TXLNB: variants seen among roughly 807,000 people sequenced by gnomAD.
The protein encoded by TXLNB is beta-taxilin.
TXLNB carries 37 observed loss-of-function variants against 57.4 expected under a neutral mutation model. The observed-to-expected ratio is 0.64, with a 90% CI of 0.50 to 0.85. The LOEUF (loss-of-function observed/expected upper bound fraction) is 0.85, where lower values mean the gene tolerates loss of function less well. TXLNB is among the 40% of genes least tolerant of loss of function. The probability of loss-of-function intolerance (pLI) is 0.00; values close to 1 mark genes in which losing one functional copy is unlikely to be tolerated. For synonymous variants in TXLNB, 302 were observed against 309.6 expected (o/e 0.98, Z 0.26); for missense variants, 848 against 825.6 (o/e 1.03, Z -0.33).
chr6:139,181,356 T>G, the TXLNB span, among the ~76,000 whole-genome samples: 13 of 152,220 alleles, frequency 8.5e-5, no homozygotes, highest in Non-Finnish European at 1.3e-4. Context: ...ATTCACATAG[T>G]TTAAATTGTG....
chr6:139,303,586 T>G, the TXLNB span, among the ~76,000 whole-genome samples: 1 of 152,222 alleles, frequency 6.6e-6, no homozygotes, highest in South Asian at 2.1e-4. Context: ...GATGTTGGTG[T>G]TAGCATCTTG....
At chr6:139,287,550 C>A (rs1777204247) in intron 2 of TXLNB, among the ~76,000 whole-genome samples, 1 of 152,160 alleles carries the variant, frequency 6.6e-6, no homozygotes, top group South Asian at 2.1e-4. Flanking sequence ...GATTCTCCAT[C>A]TAGCATGAGA....
intron 7 of TXLNB, among the ~76,000 whole-genome samples, chr6:139,253,667 G>A (rs1206898490): frequency 6.6e-6 from 1 of 152,040 alleles, no homozygotes; most frequent in African/African-American, 2.4e-5. Context: ...GTTTGAGGGG[G>A]TATAAGGGGG....
At chr6:139,192,022 A>T in the TXLNB span, among the ~76,000 whole-genome samples, 1,128 of 152,312 alleles carry the variant, frequency 7.4e-3, 5 homozygotes, top group Middle Eastern at 0.017. Context: ...TTTTGAGTTG[A>T]TAATCCCTTA....
chr6:139,255,782 G>C, intron 6 of TXLNB, 144 bp from the exon 7 acceptor site: 3 of 617,232 alleles, frequency 4.9e-6, no homozygotes, highest in South Asian at 2.0e-5. Context: ...ATCTAAGAAA[G>C]CTTAAAAAAC....
chr6:139,244,335 C>T (rs1335636908), intron 9 of TXLNB, among the ~76,000 whole-genome samples: 1 of 152,176 alleles, frequency 6.6e-6, no homozygotes, highest in Non-Finnish European at 1.5e-5. Flanking sequence ...AAGGGGACAG[C>T]TGCCCTGGGT....
intron 6 of TXLNB, among the ~76,000 whole-genome samples, chr6:139,258,259 G>A (rs1447105598): frequency 6.6e-6 from 1 of 152,154 alleles, no homozygotes; most frequent in East Asian, 1.9e-4. Flanking sequence ...TTCTTGCTAA[G>A]GCTGGGTCGT....
the TXLNB span, among the ~76,000 whole-genome samples, chr6:139,316,552 T>C: frequency 2.0e-5 from 3 of 152,232 alleles, no homozygotes; most frequent in Non-Finnish European, 4.4e-5. Context: ...CAATCTTTCA[T>C]ACTACAAGAC....
At chr6:139,229,753 G>T in the TXLNB span, among the ~76,000 whole-genome samples, 37 of 152,196 alleles carry the variant, frequency 2.4e-4, no homozygotes, top group African/African-American at 8.4e-4. Flanking sequence ...ATCTCTGGCA[G>T]GGAGGAAAAC....
chr6:139,270,462 AGTCTTGTTGT>A lies in TXLNB; in HGVS notation c.671_680del (p.His224LeufsTer2), dbSNP rs1435059234. On this transcript the variant is annotated frameshift_variant, in exon 4 of 10. Transcript: ENST00000358430. LOFTEE classifies it high-confidence loss of function. ...CTGAGGCATGGGGACATACCTTCAGAGTCTTGTTGTGTCTCTGCAGCTCCCGGCACAGACT... is the reference window on the plus strand; with the variant it reads ...CTGAGGCATGGGGACATACCTTCAGAGTCTCTGCAGCTCCCGGCACAGACT... 6.2e-7 allele frequency: 1 copy of A among 1,613,200 alleles called. No homozygotes were observed.
the TXLNB span, chr6:139,166,736 C>T: frequency 1.5e-5 from 24 of 1,613,040 alleles, no homozygotes; most frequent in Non-Finnish European, 1.9e-5. Context: ...CCTCCCCCGC[C>T]GGCATTCCAT....
intron 2 of TXLNB, among the ~76,000 whole-genome samples, chr6:139,280,481 T>C (rs1185284302): frequency 6.6e-6 from 1 of 151,652 alleles, no homozygotes; most frequent in East Asian, 2.0e-4. Flanking sequence ...GCGTCTCTAC[T>C]AAAAAATACA....
chr6:139,293,076 G>C (rs940891906), upstream of TXLNB, among the ~76,000 whole-genome samples: 1 of 152,070 alleles, frequency 6.6e-6, no homozygotes, highest in Non-Finnish European at 1.5e-5. Context: ...TACTGGGTGG[G>C]TTCAATGTAA....
At chr6:139,172,519 TAAG>T in the TXLNB span, among the ~76,000 whole-genome samples, 1 of 152,258 alleles carries the variant, frequency 6.6e-6, no homozygotes, top group Admixed American at 6.5e-5. Flanking sequence ...TTGATCTAAT[TAAG>T]AAGTTCTTAT....
At chr6:139,188,265 G>A in the TXLNB span, among the ~76,000 whole-genome samples, 1 of 152,176 alleles carries the variant, frequency 6.6e-6, no homozygotes, top group Admixed American at 6.5e-5. Flanking sequence ...CCAGGCCTCA[G>A]TGAGGCAGTG....
the TXLNB span, among the ~76,000 whole-genome samples, chr6:139,309,665 C>T: frequency 6.6e-6 from 1 of 152,168 alleles, no homozygotes; most frequent in Non-Finnish European, 1.5e-5. Flanking sequence ...TGGCTCATAC[C>T]TGTAATCCCA....
chr6:139,270,423 G>T (rs1776728796), intron 4 of TXLNB, 33 bp downstream of exon 4: 2 of 1,587,368 alleles, frequency 1.3e-6, no homozygotes, highest in Non-Finnish European at 1.7e-6. Flanking sequence ...CCCCATTCAA[G>T]AAATTATGTT....
chr6:139,239,010 A>C (rs755061710), downstream of TXLNB: 4 of 152,172 alleles, frequency 2.6e-5, no homozygotes, highest in Non-Finnish European at 5.9e-5. This position sits in a 1 kb window ranked among gnomAD's most constrained non-coding sequence, Gnocchi z 4.7. Flanking sequence ...TATCATCTCA[A>C]AAAAGGGGCT....
intron 3 of TXLNB, among the ~76,000 whole-genome samples, chr6:139,272,713 A>G (rs1776796474): frequency 6.6e-6 from 1 of 152,240 alleles, no homozygotes; most frequent in African/African-American, 2.4e-5. Flanking sequence ...ATTTGGATTT[A>G]AAATGACTAT....
Sources: allele counts gnomAD v4.1 joint callset (sites outside exome capture counted in the v4.1 genomes callset), GRCh38; gene constraint gnomAD v4.1.1; non-coding constraint Gnocchi (gnomAD v3.1); transcripts MANE v1.5; gene names NCBI Gene and HGNC (gene_info 2026-07-23, HGNC 2026-07-21).